BACH1: variants seen among roughly 807,000 people sequenced by gnomAD.
BACH1 encodes BTB domain and CNC homolog 1.
BACH1 carries 35 observed loss-of-function variants against 52.9 expected under a neutral mutation model. That is an observed-to-expected ratio of 0.66 (90% CI 0.51 to 0.88). The LOEUF (loss-of-function observed/expected upper bound fraction) is 0.88, where lower values mean the gene tolerates loss of function less well. BACH1 is among the 40% of genes least tolerant of loss of function. The probability of loss-of-function intolerance (pLI) is 0.00; values close to 1 mark genes in which losing one functional copy is unlikely to be tolerated. For synonymous variants in BACH1, 321 were observed against 319.6 expected (o/e 1.00, Z -0.05); for missense variants, 808 against 872.6 (o/e 0.93, Z 0.93).
intron 2 of BACH1, among the ~76,000 whole-genome samples, chr21:29,325,842 CTA>C (rs749689873): frequency 1.7e-4 from 26 of 152,198 alleles, no homozygotes; most frequent in Non-Finnish European, 2.8e-4. Context: ...AGAGAGGACT[CTA>C]TAAAATAGTG....
At chr21:29,321,005 C>T (rs2088841255) in intron 1 of BACH1, among the ~76,000 whole-genome samples, 1 of 152,150 alleles carries the variant, frequency 6.6e-6, no homozygotes, top group African/African-American at 2.4e-5. Flanking sequence ...AAAAAGTTCC[C>T]TCACACCAAG....
At chr21:29,354,581 A>G (rs1248830336) in intron 2 of BACH1, among the ~76,000 whole-genome samples, 1 of 152,192 alleles carries the variant, frequency 6.6e-6, no homozygotes, top group Non-Finnish European at 1.5e-5. Flanking sequence ...AGAGCTGGTA[A>G]AAAAGATAGA....
chr21:29,335,374 A>G (rs1361820914), intron 4 of BACH1, among the ~76,000 whole-genome samples: 1 of 152,196 alleles, frequency 6.6e-6, no homozygotes, highest in Non-Finnish European at 1.5e-5. Context: ...ACTTTAAATA[A>G]AAGTGGTTCT....
At chr21:29,349,238 G>C (rs1313628345), downstream of BACH1, among the ~76,000 whole-genome samples, 8 of 151,744 alleles carry the variant, frequency 5.3e-5, no homozygotes, top group African/African-American at 1.2e-4. Flanking sequence ...ATACAGCAAG[G>C]GCCACAGTGG....
rs1221283900 is a variant in BACH1 at position 29,345,027 on chromosome 21, A to G, written c.*2194A>G. ...AAACAGTTTAGCATTAAGGGTTTCT[A>G]TTAATGACACAGAATTATTGGCCAA... On this transcript the variant is annotated 3_prime_UTR_variant, in exon 5 of 5. Transcript: ENST00000286800. 4 of 152,670 alleles carry G rather than the reference A, an allele frequency of 2.6e-5. No homozygotes were observed. Among genetic ancestry groups the G allele is most frequent in the African/African-American group, 7.2e-5 (3 of 41,472 alleles). The allele number at this position is 152,670 out of a possible 1,614,324, so 9.5% of individuals were successfully genotyped here.
chr21:29,358,752 AAGAAAAG>A (rs2089250133), intron 2 of BACH1, among the ~76,000 whole-genome samples: 1 of 112,202 alleles, frequency 8.9e-6, no homozygotes, highest in African/African-American at 3.6e-5. Context: ...AAAAAAAGAA[AAGAAAAG>A]AAAAGAAAAG....
intron 2 of BACH1, among the ~76,000 whole-genome samples, chr21:29,358,657 T>A (rs1342964202): frequency 2.0e-5 from 3 of 151,900 alleles, no homozygotes; most frequent in African/African-American, 7.3e-5. Context: ...GGAGGATTGC[T>A]TGACCTCAGG....
chr21:29,335,162 T>C (rs184480811), intron 4 of BACH1, among the ~76,000 whole-genome samples: 1 of 152,280 alleles, frequency 6.6e-6, no homozygotes, highest in African/African-American at 2.4e-5. Context: ...TGGAGACAAA[T>C]GACTGGAAAG....
downstream of BACH1, among the ~76,000 whole-genome samples, chr21:29,347,989 A>T (rs571504773): frequency 1.3e-5 from 2 of 152,218 alleles, no homozygotes; most frequent in Non-Finnish European, 2.9e-5. Context: ...AGAGAAAAAA[A>T]TTCAAAGATT....
chr21:29,358,827 A>AAG, intron 2 of BACH1, among the ~76,000 whole-genome samples: 1 of 143,416 alleles, frequency 7.0e-6, no homozygotes, highest in Non-Finnish European at 1.6e-5. Context: ...GAAAGAAAGA[A>AAG]ATGTAAAAAG....
chr21:29,326,106 T>A lies in BACH1; in HGVS notation c.282T>A (p.Ala94=). 1 of 1,613,954 alleles carries A rather than the reference T, an allele frequency of 6.2e-7. No homozygotes were observed. Among genetic ancestry groups the A allele is most frequent in the South Asian group, 1.1e-5 (1 of 91,060 alleles). ...FEPLIQFAYT[A]KLILSKENVD... ...CTTTAATTCAGTTTGCCTACACTGCTAAACTGATTTTAAGTAAAGAGAATG... is the reference window on the plus strand; with the variant it reads ...CTTTAATTCAGTTTGCCTACACTGCAAAACTGATTTTAAGTAAAGAGAATG... The change falls in exon 3 of 5, where the codon GCT becomes GCA. Residue 94 remains alanine (A), a synonymous_variant. Transcript: ENST00000286800.
At chr21:29,332,425 G>A (rs768874515) in intron 4 of BACH1, among the ~76,000 whole-genome samples, 5 of 152,144 alleles carry the variant, frequency 3.3e-5, no homozygotes, top group Non-Finnish European at 7.3e-5. Context: ...AAATCTGAAT[G>A]GTCAGTATCC....
At chr21:29,304,211 C>T (rs550868734) in intron 1 of BACH1, among the ~76,000 whole-genome samples, 7 of 151,348 alleles carry the variant, frequency 4.6e-5, no homozygotes, top group African/African-American at 1.5e-4. Flanking sequence ...CTGCAACCTC[C>T]GCCTCTTGGG....
rs1344818073 is a variant in BACH1 at position 29,345,771 on chromosome 21, T to TA, written c.*2942dup. On this transcript the variant is annotated 3_prime_UTR_variant, in exon 5 of 5. Coordinates refer to ENST00000286800, the MANE Select transcript of BACH1 (RefSeq NM_001186.4). ...TTCTCAGGTGAACTTTTTTCAGTTATAAAACATCTATTTTGAATCTGTAAA... is the reference window on the plus strand; with the variant it reads ...TTCTCAGGTGAACTTTTTTCAGTTATAAAAACATCTATTTTGAATCTGTAAA... 1 of 152,660 alleles carries TA rather than the reference T, an allele frequency of 6.6e-6. No individual in the cohort carries two copies. Among genetic ancestry groups the TA allele is most frequent in the African/African-American group, 2.4e-5 (1 of 41,466 alleles). 9.5% of individuals were successfully genotyped at this position (152,660 alleles called of 1,614,324 possible). A position where few individuals can be genotyped will look rare whatever the true frequency, so the allele number is the denominator to read the frequency against.
At chr21:29,301,229 G>C (rs2088599524) in intron 1 of BACH1, among the ~76,000 whole-genome samples, 1 of 152,114 alleles carries the variant, frequency 6.6e-6, no homozygotes, top group Admixed American at 6.6e-5. Flanking sequence ...GGTGCAAGGA[G>C]GTTCATTTGG....
intron 4 of BACH1, among the ~76,000 whole-genome samples, chr21:29,337,637 A>T (rs1310465042): frequency 6.6e-6 from 1 of 152,210 alleles, no homozygotes; most frequent in African/African-American, 2.4e-5. Flanking sequence ...TAATGAAAGG[A>T]TGTTGTAAAA....
intron 1 of BACH1, among the ~76,000 whole-genome samples, chr21:29,318,584 T>C (rs528376932): frequency 4.6e-5 from 7 of 152,296 alleles, no homozygotes; most frequent in Non-Finnish European, 1.0e-4. Flanking sequence ...ACCCATGAGA[T>C]GATGTGTTAC....
chr21:29,300,358 T>A (rs1397888881), intron 1 of BACH1, among the ~76,000 whole-genome samples: 1 of 152,214 alleles, frequency 6.6e-6, no homozygotes, highest in African/African-American at 2.4e-5. Flanking sequence ...TAGAAACAGC[T>A]GGTGCAAATA....
intron 4 of BACH1, among the ~76,000 whole-genome samples, chr21:29,331,476 T>G (rs980460097): frequency 6.6e-6 from 1 of 152,228 alleles, no homozygotes. Context: ...TTAGAACTAC[T>G]CTATTTCTTG....
Sources: allele counts gnomAD v4.1 joint callset (sites outside exome capture counted in the v4.1 genomes callset), GRCh38; gene constraint gnomAD v4.1.1; transcripts MANE v1.5; gene names NCBI Gene and HGNC (gene_info 2026-07-23, HGNC 2026-07-21).